Variants in CAST observed in about 807,000 individuals in gnomAD.
CAST encodes the protein MIR583 host.
In CAST, 76 loss-of-function variants were observed where a neutral mutation model predicts 119.6. The ratio of observed to expected loss-of-function variants is 0.64; its 90% CI spans 0.53 to 0.77. The LOEUF is 0.77. CAST is among the 30% of genes least tolerant of loss of function. CAST has a pLI of 0.00. For missense variants in CAST, 953 were observed against 946.5 expected (o/e 1.01, Z -0.09); for synonymous variants, 319 against 331.6 (o/e 0.96, Z 0.41).
At chr5:96,762,154 C>A in intron 24 of CAST, 120 bp from the exon 25 acceptor site, 1 of 502,764 alleles carries the variant, frequency 2.0e-6, no homozygotes, top group Non-Finnish European at 3.6e-6. Flanking sequence ...TATTATGAGT[C>A]TATTTGGTCA....
chr5:96,240,735 CTT>C, the CAST span, among the ~76,000 whole-genome samples: 188 of 102,424 alleles, frequency 1.8e-3, no homozygotes, highest in African/African-American at 6.1e-3. Context: ...AGCTAACTTT[CTT>C]TTTTTTTTTT....
chr5:96,362,816 T>G, the CAST span, among the ~76,000 whole-genome samples: 2 of 152,114 alleles, frequency 1.3e-5, no homozygotes, highest in Non-Finnish European at 2.9e-5. Flanking sequence ...TTTCTTTTGC[T>G]GTGCAGAAGC....
the CAST span, among the ~76,000 whole-genome samples, chr5:96,091,334 C>T: frequency 6.6e-6 from 1 of 151,588 alleles, no homozygotes; most frequent in African/African-American, 2.4e-5. Context: ...TCCTGAGTAG[C>T]TGGGATTACA....
chr5:96,330,483 T>G, the CAST span, among the ~76,000 whole-genome samples: 1 of 152,234 alleles, frequency 6.6e-6, no homozygotes, highest in Admixed American at 6.5e-5. Flanking sequence ...GATTTTTTAA[T>G]GGTCACACCT....
chr5:96,178,440 T>G, the CAST span, among the ~76,000 whole-genome samples: 1 of 152,224 alleles, frequency 6.6e-6, no homozygotes, highest in African/African-American at 2.4e-5. Flanking sequence ...TTGTATTCAC[T>G]TCTTTATTTA....
the CAST span, among the ~76,000 whole-genome samples, chr5:95,978,110 C>A: frequency 6.6e-6 from 1 of 151,960 alleles, no homozygotes; most frequent in Admixed American, 6.6e-5. Context: ...GATGAACACA[C>A]GTGTGCATGT....
At chr5:96,270,001 A>G in the CAST span, among the ~76,000 whole-genome samples, 1 of 152,184 alleles carries the variant, frequency 6.6e-6, no homozygotes, top group African/African-American at 2.4e-5. Flanking sequence ...ACAAAATACT[A>G]GCAAACTGAA....
At chr5:96,143,428 C>G in the CAST span, among the ~76,000 whole-genome samples, 1 of 152,208 alleles carries the variant, frequency 6.6e-6, no homozygotes, top group African/African-American at 2.4e-5. Context: ...AATCCCCTGA[C>G]CCAGTTGAAT....
At chr5:96,640,608 G>A (rs1580855729) in intron 1 of CAST, among the ~76,000 whole-genome samples, 4 of 152,224 alleles carry the variant, frequency 2.6e-5, no homozygotes, top group African/African-American at 9.6e-5. Flanking sequence ...CTATGGAAGG[G>A]AAGGGAGGAA....
intron 1 of CAST, among the ~76,000 whole-genome samples, chr5:96,541,002 TC>T (rs148592715): frequency 0.016 from 2,499 of 152,082 alleles, 74 homozygotes; most frequent in African/African-American, 0.058. Context: ...TTACCCTTTT[TC>T]CCCCTTTCCC....
chr5:96,109,930 T>C, the CAST span, among the ~76,000 whole-genome samples: 1 of 145,454 alleles, frequency 6.9e-6, no homozygotes. Flanking sequence ...CATGTAAAAA[T>C]GATAAAAAAA....
intron 1 of CAST, among the ~76,000 whole-genome samples, chr5:96,649,051 CTT>C (rs1157485654): frequency 3.3e-5 from 5 of 152,104 alleles, no homozygotes; most frequent in Non-Finnish European, 5.9e-5. Flanking sequence ...CAAGACATGT[CTT>C]TTTAAAAATG....
chr5:96,570,727 G>A (rs1044667900), intron 1 of CAST, among the ~76,000 whole-genome samples: 1 of 152,116 alleles, frequency 6.6e-6, no homozygotes, highest in African/African-American at 2.4e-5. Context: ...ACTACTTTAG[G>A]AAAAATATTA....
the CAST span, among the ~76,000 whole-genome samples, chr5:96,300,306 CT>C: frequency 6.6e-6 from 1 of 152,004 alleles, no homozygotes; most frequent in African/African-American, 2.4e-5. Context: ...CAATTTTATT[CT>C]TTTTTTATAT....
At chr5:96,093,744 T>C in the CAST span, among the ~76,000 whole-genome samples, 1 of 152,070 alleles carries the variant, frequency 6.6e-6, no homozygotes, top group African/African-American at 2.4e-5. Flanking sequence ...GATGGTAAAA[T>C]GAGAGAGATA....
chr5:96,452,976 A>AAAAAAAAAAAAAAAAGAAG, the CAST span, among the ~76,000 whole-genome samples: 2 of 142,352 alleles, frequency 1.4e-5, no homozygotes, highest in African/African-American at 5.9e-5. Context: ...AAAAAAAAAA[A>AAAAAAAAAAAAAAAAGAAG]CAGAAGAAAG....
At chr5:96,266,010 T>A in the CAST span, among the ~76,000 whole-genome samples, 3 of 152,208 alleles carry the variant, frequency 2.0e-5, no homozygotes, top group Non-Finnish European at 4.4e-5. Context: ...TTCAGTCTCC[T>A]GAGAGTAAAG....
chr5:95,980,683 C>T, the CAST span, among the ~76,000 whole-genome samples: 14 of 152,184 alleles, frequency 9.2e-5, no homozygotes, highest in Admixed American at 5.9e-4. Context: ...CATAGGGCCT[C>T]GCTCTGTGAC....
chr5:96,184,887 G>C, the CAST span, among the ~76,000 whole-genome samples: 1 of 152,114 alleles, frequency 6.6e-6, no homozygotes, highest in Non-Finnish European at 1.5e-5. Context: ...GTGATTGCTA[G>C]GTCAAATGGT....
Sources: gnomAD v4.1 joint callset for allele counts (sites outside exome capture counted in the v4.1 genomes callset) on GRCh38, gnomAD v4.1.1 for gene constraint, MANE v1.5 for transcripts, NCBI Gene and HGNC (gene_info 2026-07-23, HGNC 2026-07-21) for gene names.